MYOF: variants seen among roughly 807,000 people sequenced by gnomAD.
MYOF encodes the protein fer-1-like 3, myoferlin.
Under a neutral mutation model 284.2 loss-of-function variants are expected in MYOF, and 244 were observed. The observed-to-expected ratio is 0.86, with a 90% confidence interval of 0.77 to 0.95. MYOF has a LOEUF of 0.95. Among genes scored for constraint, MYOF ranks in the 40% least tolerant of loss-of-function variants. The pLI is 0.00. For synonymous variants in MYOF, 904 were observed against 919.7 expected (o/e 0.98, Z 0.31); for missense variants, 2,496 against 2,560.6 (o/e 0.97, Z 0.54).
chr10:93,463,290 T>C (rs10786096), intron 1 of MYOF, among the ~76,000 whole-genome samples: 145,307 of 152,232 alleles, frequency 0.95, 69,707 homozygotes, highest in East Asian at 1. Context: ...GTGCGGTGCT[T>C]ATACCTGTAA....
At chr10:93,341,603 CT>C (rs1843918691) in intron 38 of MYOF, among the ~76,000 whole-genome samples, 1 of 152,172 alleles carries the variant, frequency 6.6e-6, no homozygotes, top group Non-Finnish European at 1.5e-5. Context: ...AGACAAGTTG[CT>C]GATTTTAAAC....
intron 50 of MYOF, among the ~76,000 whole-genome samples, chr10:93,316,181 A>G (rs571946193): frequency 1.3e-5 from 2 of 152,100 alleles, no homozygotes; most frequent in South Asian, 2.1e-4. Context: ...CTAATGTGAC[A>G]AGACCAGAGC....
intron 19 of MYOF, among the ~76,000 whole-genome samples, chr10:93,383,340 C>A (rs1391541838): frequency 6.6e-6 from 1 of 152,172 alleles, no homozygotes; most frequent in East Asian, 1.9e-4. Context: ...ATAGAACCCT[C>A]CAATAGGGTT....
intron 16 of MYOF, among the ~76,000 whole-genome samples, chr10:93,394,521 C>T (rs55637662): frequency 0.12 from 14,384 of 121,894 alleles, 779 homozygotes; most frequent in African/African-American, 0.14. Context: ...AGTGCAGTGG[C>T]GCGATCTCGG....
intron 22 of MYOF, among the ~76,000 whole-genome samples, chr10:93,375,436 C>A (rs1284094182): frequency 6.6e-6 from 1 of 152,208 alleles, no homozygotes; most frequent in African/African-American, 2.4e-5. Flanking sequence ...AACTCTGGAA[C>A]TTATAAAGAA....
Position 93,374,861 on chromosome 10 carries a change from C to T in MYOF, c.2203G>A (p.Glu735Lys), listed in dbSNP as rs1359314395. 6.2e-7 allele frequency: 1 copy of T among 1,614,190 alleles called. No individual in the cohort carries two copies. The highest frequency in any genetic ancestry group is 1.7e-5 in the Admixed American group (1 of 60,018). ...LRSRSLSQIH[E>K]AAVRMRSEAT... The stretch of plus-strand genomic sequence containing the variant: ...TCCGACCTCATCCTCACAGCCGCCT[C>T]ATGTATTTGGGAGAGAGACCTGGAC... The change falls in exon 23 of 54, where the codon GAG (glutamate) becomes AAG (lysine). Residue 735 changes from glutamate (E) to lysine (K), a missense_variant. Physicochemically the swap from Glu to Lys is moderately conservative, Grantham distance 56. Transcript: ENST00000359263.
rs375203193 is a variant in MYOF, at chr10:93,409,748, T to C, written c.434-9A>G. 182 of 1,613,964 alleles carry C rather than the reference T, an allele frequency of 1.1e-4. 1 individual carries two copies. In the South Asian group the frequency reaches 1.1e-3, roughly 10 times the overall value. On this transcript the variant is annotated splice_polypyrimidine_tract_variant and intron_variant, in intron 5 of 53. Transcript: ENST00000359263. ...ATCTTCTTCCCCATCTCCTAAAATA[T>C]CAGAAAGAAACCCAGTGAGGGATAG... is the stretch of plus-strand genomic sequence containing the variant.
chr10:93,347,277 G>A (rs1220220005), intron 37 of MYOF, among the ~76,000 whole-genome samples: 2 of 150,754 alleles, frequency 1.3e-5, no homozygotes, highest in Non-Finnish European at 3.0e-5. Flanking sequence ...AGACGGCCGG[G>A]CGCGGTGGCT....
At chr10:93,307,195 C>T (rs976300867) in intron 53 of MYOF, among the ~76,000 whole-genome samples, 194 bp from the exon 54 acceptor site, 9 of 150,830 alleles carry the variant, frequency 6.0e-5, no homozygotes, top group Admixed American at 2.6e-4. Flanking sequence ...AGCACCCCCC[C>T]GCCAAGTTGT....
chr10:93,447,718 A>G (rs60359378), intron 3 of MYOF, among the ~76,000 whole-genome samples: 18,951 of 152,036 alleles, frequency 0.12, 1,743 homozygotes, highest in African/African-American at 0.25. Flanking sequence ...TCTATAACTC[A>G]CTTGGTTACA....
rs1434832895 is a variant in MYOF, at chr10:93,363,951, G to A, written c.2868+10C>T. On this transcript the variant is annotated intron_variant, in intron 27 of 53. Transcript: ENST00000359263. ...CAGGTGAGAGTTTCTCTCCGGAGCA[G>A]GCCACTCACCGCATCCGTGTAGGTG... 2 of 1,612,644 alleles carry A rather than the reference G, an allele frequency of 1.2e-6. No individual in the cohort carries two copies. The highest frequency in any genetic ancestry group is 2.7e-5 in the African/African-American group (2 of 74,922).
chr10:93,350,858 C>T (rs1159176087), intron 35 of MYOF, among the ~76,000 whole-genome samples: 1 of 152,154 alleles, frequency 6.6e-6, no homozygotes, highest in Admixed American at 6.5e-5. Context: ...TCCATCTCTG[C>T]CTCCCTGCCA....
In MYOF at chr10:93,325,812, G is replaced by T. The variant is rs758587433; in HGVS notation, c.5271+14C>A. 6.2e-7 allele frequency: 1 copy of T among 1,607,504 alleles called. No individual in the cohort carries two copies. Among genetic ancestry groups the T allele is most frequent in the South Asian group, 1.1e-5 (1 of 89,708 alleles). ...GCAGGGATAATGGTCTTCAAGGGAG[G>T]GAAGGCCCTTTACCTGGGAAATGTT... On this transcript the variant is annotated intron_variant, in intron 46 of 53. Coordinates refer to ENST00000359263, the MANE Select transcript of MYOF (RefSeq NM_013451.4).
intron 5 of MYOF, among the ~76,000 whole-genome samples, chr10:93,413,762 G>A (rs1280832405): frequency 6.6e-6 from 1 of 152,174 alleles, no homozygotes. Context: ...GCCGAAGCAG[G>A]AGGATCGCTT....
At chr10:93,426,884 C>CTTTTTTTTTT (rs1169014883) in intron 4 of MYOF, among the ~76,000 whole-genome samples, 2 of 104,752 alleles carry the variant, frequency 1.9e-5, no homozygotes, top group Non-Finnish European at 3.7e-5. Context: ...ACGAGACTGT[C>CTTTTTTTTTT]TTTTTTTTTT....
chr10:93,310,782 G>A, intron 51 of MYOF, 139 bp from the exon 52 acceptor site: 1 of 777,690 alleles, frequency 1.3e-6, no homozygotes, highest in Non-Finnish European at 2.0e-6. Context: ...TTCCTCAAGA[G>A]ATTTCATCCC....
chr10:93,339,602 T>C (rs1055632156), intron 39 of MYOF, among the ~76,000 whole-genome samples: 1 of 141,724 alleles, frequency 7.1e-6, no homozygotes, highest in African/African-American at 2.5e-5. Flanking sequence ...CCCGAAAATC[T>C]GGGATTACAA....
rs148760785 is a variant in MYOF at position 93,462,312 on chromosome 10, C to T, written c.89-5375G>A. On this transcript the variant is annotated intron_variant, in intron 1 of 53. Transcript: ENST00000359263. ...CTCGAACTCCTGACCTCAAGTGATC[C>T]GCTCACCTCGGCCTCCCAAAGTGCT... Among the ~76,000 whole-genome samples the T allele has an allele frequency of 2.0e-4, 30 of 152,168 alleles. No individual in the cohort carries two copies. In the East Asian group the frequency reaches 5.0e-3, roughly 25 times the overall value.
At chr10:93,339,971 C>T (rs915900282) in intron 39 of MYOF, among the ~76,000 whole-genome samples, 182 bp downstream of exon 39, 5 of 152,086 alleles carry the variant, frequency 3.3e-5, no homozygotes, top group African/African-American at 4.8e-5. Context: ...TCCAGCTACG[C>T]GGGAGGCTGA....
Sources: gnomAD v4.1 joint callset for allele counts (sites outside exome capture counted in the v4.1 genomes callset) on GRCh38, gnomAD v4.1.1 for gene constraint, MANE v1.5 for transcripts, NCBI Gene and HGNC (gene_info 2026-07-23, HGNC 2026-07-21) for gene names.